Variants in ATP2C1 observed in about 807,000 individuals in gnomAD.
ATP2C1 encodes calcium-transporting ATPase type 2C member 1.
ATP2C1 carries 31 observed loss-of-function variants against 120.5 expected under a neutral mutation model. The ratio of observed to expected loss-of-function variants is 0.26; its 90% confidence interval spans 0.19 to 0.35. ATP2C1 has a LOEUF of 0.35. Among genes scored for constraint, ATP2C1 ranks in the 10% least tolerant of loss-of-function variants. ATP2C1 has a pLI of 1.00. For missense variants in ATP2C1, 731 were observed against 1,107.5 expected, an observed-to-expected ratio of 0.66 and a Z score of 4.83; for synonymous variants, 351 against 358.7, an observed-to-expected ratio of 0.98 and a Z score of 0.24.
chr3:130,949,653 A>G lies in ATP2C1; in HGVS notation c.532-4168A>G, dbSNP rs1259665464. Among the ~76,000 whole-genome samples, 3 of 152,166 alleles carry G rather than the reference A, an allele frequency of 2.0e-5. 1 individual carries two copies. Among genetic ancestry groups the G allele is most frequent in the Admixed American group, 2.0e-4 (3 of 15,256 alleles). ...TTCTGAATAACTTTCTGTATACTCGAATCAGAAAGTTAGCAATTTATGTAA... is the reference window on the plus strand; with the variant it reads ...TTCTGAATAACTTTCTGTATACTCGGATCAGAAAGTTAGCAATTTATGTAA... On this transcript the variant is annotated intron_variant, in intron 8 of 27. Coordinates refer to ENST00000510168, the MANE Select transcript of ATP2C1 (RefSeq NM_001378687.1).
In ATP2C1 at chr3:130,894,165, C is replaced by CCCCCCAAA; in HGVS notation, c.-352_-351insCCCCAAAC. 1.2e-6 allele frequency: 1 copy of CCCCCCAAA among 826,306 alleles called. No homozygotes were observed. Among genetic ancestry groups the CCCCCCAAA allele is most frequent in the Non-Finnish European group, 1.5e-6 (1 of 684,812 alleles). 51.2% of individuals were successfully genotyped at this position (826,306 alleles called of 1,614,324 possible). On this transcript the variant is annotated 5_prime_UTR_variant, in exon 1 of 28. Coordinates refer to ENST00000510168, the MANE Select transcript of ATP2C1 (RefSeq NM_001378687.1). The surrounding 1 kb of genome is among the most constrained non-coding windows in gnomAD (Gnocchi z 4.5). ...CCTCTTCTCTCCCCTCCCCGCCCGC[C>CCCCCCAAA]CTCTCTCCCTCCCTTCCTCCCTCCC...
intron 8 of ATP2C1, among the ~76,000 whole-genome samples, chr3:130,945,634 T>C (rs994979375): frequency 1.3e-5 from 2 of 151,602 alleles, no homozygotes; most frequent in African/African-American, 4.9e-5. Flanking sequence ...TGGGTCCTTG[T>C]GATAGTTTGC....
At chr3:130,992,810 T>A in intron 20 of ATP2C1, 141 bp from the exon 21 acceptor site, 1 of 691,806 alleles carries the variant, frequency 1.4e-6, no homozygotes, top group Non-Finnish European at 2.6e-6. Context: ...CAAACATATG[T>A]CATATTGCTT....
At chr3:130,907,280 C>T (rs189673028) in intron 2 of ATP2C1, among the ~76,000 whole-genome samples, 126 of 152,190 alleles carry the variant, frequency 8.3e-4, no homozygotes, top group Admixed American at 3.8e-3. Context: ...GTATCCTCTA[C>T]ATCAGAAACT....
intron 12 of ATP2C1, among the ~76,000 whole-genome samples, chr3:130,961,850 T>C (rs1263186362): frequency 1.3e-5 from 2 of 151,716 alleles, no homozygotes; most frequent in Non-Finnish European, 1.5e-5. Flanking sequence ...ATAGAAGCAC[T>C]GTAGGCCGTA....
intron 2 of ATP2C1, among the ~76,000 whole-genome samples, chr3:130,922,385 TTTTG>T (rs1263077571): frequency 3.3e-5 from 5 of 152,254 alleles, no homozygotes; most frequent in African/African-American, 7.2e-5. Flanking sequence ...GGTCTATTGA[TTTTG>T]TTTATTTTTT....
In ATP2C1 at chr3:130,861,320, G is replaced by A. The variant is rs144130577; in HGVS notation, c.108+10392G>A. ...AGGTGAGGTATTTATTATGGGAATC[G>A]GCTCATGCAATTATGGAGGCAGAGA... On this transcript the variant is annotated intron_variant, in intron 1 of 26. Coordinates refer to the ATP2C1 transcript ENST00000504381. Among the ~76,000 whole-genome samples, 118 of 152,236 alleles carry A rather than the reference G, an allele frequency of 7.8e-4. 1 individual carries two copies. The highest frequency in any genetic ancestry group is 2.5e-3 in the African/African-American group (105 of 41,544).
intron 8 of ATP2C1, among the ~76,000 whole-genome samples, chr3:130,944,514 T>C (rs2060051112): frequency 6.6e-6 from 1 of 152,156 alleles, no homozygotes. Context: ...TCTCTCTTCC[T>C]CTTATACGGC....
intron 11 of ATP2C1, among the ~76,000 whole-genome samples, chr3:130,957,745 AT>A (rs1243487197): frequency 6.6e-6 from 1 of 151,736 alleles, no homozygotes; most frequent in Non-Finnish European, 1.5e-5. Context: ...TAGGGACGGG[AT>A]TTTACCACAT....
Position 131,002,586 on chromosome 3 carries a change from ATTTGT to A in ATP2C1, c.*1241_*1245del, listed in dbSNP as rs1211677025. ...ATGAAAGCTTGATGAGGTATAGGTCATTTGTTTTGAGTATGTGGGCCAGAAATTTA... is the reference window on the plus strand; with the variant it reads ...ATGAAAGCTTGATGAGGTATAGGTCATTTGAGTATGTGGGCCAGAAATTTA... On this transcript the variant is annotated 3_prime_UTR_variant, in exon 28 of 28. Transcript: ENST00000510168. 1.0e-6 allele frequency: 1 copy of A among 985,348 alleles called. No individual in the cohort carries two copies. The highest frequency in any genetic ancestry group is 6.1e-5 in the Admixed American group (1 of 16,274). 61.0% of individuals were successfully genotyped at this position (985,348 alleles called of 1,614,324 possible). A position where few individuals can be genotyped will look rare whatever the true frequency, so the allele number is the denominator to read the frequency against.
At chr3:130,985,884 C>T (rs1268215308) in intron 20 of ATP2C1, among the ~76,000 whole-genome samples, 3 of 151,920 alleles carry the variant, frequency 2.0e-5, no homozygotes, top group African/African-American at 7.3e-5. Context: ...TATTCATTTT[C>T]TATGTGGCAC....
chr3:130,947,275 C>T (rs1381199947), intron 8 of ATP2C1, among the ~76,000 whole-genome samples: 1 of 152,076 alleles, frequency 6.6e-6, no homozygotes, highest in Non-Finnish European at 1.5e-5. Context: ...ATTAAAACAG[C>T]TTTTTTGAGA....
At chr3:130,898,563 AAG>A (rs1223308799) in intron 2 of ATP2C1, among the ~76,000 whole-genome samples, 1 of 152,220 alleles carries the variant, frequency 6.6e-6, no homozygotes, top group Non-Finnish European at 1.5e-5. Context: ...TTGAAACTAA[AAG>A]AGATTATATA....
chr3:130,859,603 G>A (rs2067952382), intron 1 of ATP2C1, among the ~76,000 whole-genome samples: 1 of 152,102 alleles, frequency 6.6e-6, no homozygotes, highest in African/African-American at 2.4e-5. Flanking sequence ...AGTCAGTGCT[G>A]GCAACTTGCC....
chr3:130,867,572 G>A (rs1389244462), intron 1 of ATP2C1, among the ~76,000 whole-genome samples: 3 of 149,440 alleles, frequency 2.0e-5, no homozygotes, highest in Admixed American at 6.7e-5. Context: ...GATTGCAGAC[G>A]GAGTCTCATT....
At chr3:130,854,633 C>T (rs2067779408) in intron 1 of ATP2C1, among the ~76,000 whole-genome samples, 1 of 152,120 alleles carries the variant, frequency 6.6e-6, no homozygotes, top group Non-Finnish European at 1.5e-5. Flanking sequence ...CTAGCTTTAG[C>T]CTGGAGATGC....
chr3:130,884,930 CTTTTTTTT>C (rs35931105), intron 1 of ATP2C1, among the ~76,000 whole-genome samples: 1 of 120,868 alleles, frequency 8.3e-6, no homozygotes, highest in Non-Finnish European at 1.7e-5. Flanking sequence ...TCTTTTCTTT[CTTTTTTTT>C]TTTTTTTTTT....
At chr3:130,865,593 GT>G (rs1245223734) in intron 1 of ATP2C1, among the ~76,000 whole-genome samples, 1 of 152,182 alleles carries the variant, frequency 6.6e-6, no homozygotes, top group African/African-American at 2.4e-5. Context: ...CCAAGTGGAG[GT>G]AATTGAATCA....
chr3:130,901,351 T>A (rs1342615187), intron 2 of ATP2C1, among the ~76,000 whole-genome samples: 2 of 152,068 alleles, frequency 1.3e-5, no homozygotes, highest in Non-Finnish European at 1.5e-5. Flanking sequence ...TATCTTGATA[T>A]GTACCCCTAA....
Sources: gnomAD v4.1 joint callset for allele counts (sites outside exome capture counted in the v4.1 genomes callset) on GRCh38, gnomAD v4.1.1 for gene constraint, Gnocchi (gnomAD v3.1) non-coding constraint, MANE v1.5 for transcripts, NCBI Gene and HGNC (gene_info 2026-07-23, HGNC 2026-07-21) for gene names.